Variants in ZNF483 observed in about 807,000 individuals in gnomAD.
The protein encoded by ZNF483 is zinc finger protein HIT-10.
A neutral mutation model predicts 28.6 loss-of-function variants in ZNF483; 9 were observed. The ratio of observed to expected loss-of-function variants is 0.32; its 90% CI spans 0.19 to 0.55. The LOEUF is 0.55. Ranked by LOEUF, ZNF483 falls within the 20% of genes least tolerant of loss-of-function variation. The pLI, the probability that ZNF483 is intolerant of heterozygous loss-of-function variation, is 0.93. For synonymous variants in ZNF483, 322 were observed against 306.2 expected (o/e 1.05, Z -0.54); for missense variants, 675 against 871.7 (o/e 0.77, Z 2.84).
chr9:111,570,647 C>T (rs1360746688), intron 5 of ZNF483, among the ~76,000 whole-genome samples: 4 of 151,710 alleles, frequency 2.6e-5, no homozygotes, highest in Admixed American at 6.6e-5. Flanking sequence ...GGCATGGTGG[C>T]GGGTGCCTAT....
chr9:111,562,822 C>A, intron 5 of ZNF483: 1 of 532,052 alleles, frequency 1.9e-6, no homozygotes, highest in Non-Finnish European at 2.7e-6. Context: ...TTGTTCAGCT[C>A]CCACTTATGA....
intron 5 of ZNF483, among the ~76,000 whole-genome samples, chr9:111,568,499 T>C (rs1465539236): frequency 6.6e-6 from 1 of 152,248 alleles, no homozygotes; most frequent in Non-Finnish European, 1.5e-5. Flanking sequence ...ACAGTGAACA[T>C]AGACCCTTAT....
Position 111,543,093 on chromosome 9 carries a change from G to A in ZNF483, c.2158G>A (p.Glu720Lys), listed in dbSNP as rs763840516. 1.2e-6 allele frequency: 2 copies of A among 1,613,932 alleles called. No individual in the cohort carries two copies. The highest frequency in any genetic ancestry group is 1.3e-5 in the African/African-American group (1 of 74,918). ...LKIHTGRREY[E>K]CNECEKTFKS... is the part of the protein sequence containing the mutation. Reference sequence around the variant, plus strand: ...AATTCATACCGGAAGGAGAGAATATGAATGTAACGAATGTGAGAAGACATT... The same window carrying A: ...AATTCATACCGGAAGGAGAGAATATAAATGTAACGAATGTGAGAAGACATT... The change falls in exon 6 of 6, where the codon GAA (glutamate) becomes AAA (lysine). Residue 720 changes from glutamate to lysine, a missense_variant. By Grantham distance (56) the Glu-to-Lys change is moderately conservative (BLOSUM62 1). Around this residue, in one of 6 missense-constraint regions of ZNF483, gnomAD observed 55 missense variants for 72.4 expected, o/e 0.76. Coordinates refer to ENST00000309235, the MANE Select transcript of ZNF483 (RefSeq NM_133464.5).
At chr9:111,573,830 TCA>T (rs1491351240) in intron 5 of ZNF483, among the ~76,000 whole-genome samples, 13 of 152,222 alleles carry the variant, frequency 8.5e-5, no homozygotes, top group African/African-American at 3.1e-4. Flanking sequence ...CTTTTGGACC[TCA>T]GAGTGTGGAG....
At chr9:111,536,204 A>C (rs982575632) in intron 5 of ZNF483, among the ~76,000 whole-genome samples, 1 of 151,168 alleles carries the variant, frequency 6.6e-6, no homozygotes, top group African/African-American at 2.4e-5. Flanking sequence ...ATTTATATAT[A>C]TATATTAAAT....
intron 5 of ZNF483, among the ~76,000 whole-genome samples, chr9:111,534,670 G>A (rs1827436137): frequency 6.6e-6 from 1 of 151,520 alleles, no homozygotes. Context: ...AGAACAGGAA[G>A]GAGGGCAGAT....
intron 5 of ZNF483, chr9:111,562,709 C>A (rs550720622): frequency 6.1e-6 from 1 of 163,378 alleles, no homozygotes; most frequent in South Asian, 1.8e-4. Context: ...AGGTATTAGC[C>A]CCCGAAGGCA....
At chr9:111,535,477 A>G (rs980194749) in intron 5 of ZNF483, among the ~76,000 whole-genome samples, 6 of 152,240 alleles carry the variant, frequency 3.9e-5, no homozygotes, top group South Asian at 2.1e-4. Context: ...GCCTGAATAC[A>G]TAGAGTATAT....
rs1457613960 is a variant in ZNF483, at chr9:111,547,378, C to T, written c.*4208C>T. Among the ~76,000 whole-genome samples, 1 of 152,122 alleles carries T rather than the reference C, an allele frequency of 6.6e-6. No individual in the cohort carries two copies. Among genetic ancestry groups the T allele is most frequent in the Non-Finnish European group, 1.5e-5 (1 of 68,002 alleles). ...GGCATCTTATTCTAGTTTTGTTTTG[C>T]ATTTCCCTAGTGATTAGTGATGTTA... On this transcript the variant is annotated 3_prime_UTR_variant, in exon 6 of 6. Coordinates refer to ENST00000309235, the MANE Select transcript of ZNF483 (RefSeq NM_133464.5).
intron 5 of ZNF483, among the ~76,000 whole-genome samples, chr9:111,562,276 C>CT (rs35900341): frequency 0.29 from 40,474 of 140,504 alleles, 7,124 homozygotes; most frequent in Non-Finnish European, 0.41. Context: ...AAGCAGTAAA[C>CT]TTTTTTTTTT....
At chr9:111,573,010 T>C (rs1490798293) in intron 5 of ZNF483, among the ~76,000 whole-genome samples, 1 of 152,194 alleles carries the variant, frequency 6.6e-6, no homozygotes, top group African/African-American at 2.4e-5. Flanking sequence ...AACAGTGGAA[T>C]ATGTTAGAAT....
At chr9:111,557,233 G>A (rs1256976578), downstream of ZNF483, among the ~76,000 whole-genome samples, 1 of 151,896 alleles carries the variant, frequency 6.6e-6, no homozygotes, top group Non-Finnish European at 1.5e-5. Flanking sequence ...AATTAGCCGG[G>A]CATCATGGCA....
chr9:111,543,088 A>G lies in ZNF483; in HGVS notation c.2153A>G (p.Glu718Gly). 6.2e-7 allele frequency: 1 copy of G among 1,614,112 alleles called. No individual in the cohort carries two copies. The highest frequency in any genetic ancestry group is 8.5e-7 in the Non-Finnish European group (1 of 1,180,002). ...CTAAAAATTCATACCGGAAGGAGAG[A>G]ATATGAATGTAACGAATGTGAGAAG... ...EHLKIHTGRREYECNECEKTF... is the reference protein window; with the variant it reads ...EHLKIHTGRRGYECNECEKTF... Residue 718 changes from glutamate (E) to glycine (G), a missense_variant, in exon 6 of 6, where the codon GAA becomes GGA. Glu to Gly is a moderately conservative substitution (Grantham distance 98). This residue lies in a region of ZNF483 where 55 missense variants were observed against 72.4 expected (regional missense o/e 0.76). Transcript: ENST00000309235.
chr9:111,560,636 CAA>C (rs1015199330), intron 5 of ZNF483, among the ~76,000 whole-genome samples: 9 of 26,292 alleles, frequency 3.4e-4, no homozygotes, highest in African/African-American at 8.5e-4. Context: ...GACACCATCT[CAA>C]AAAAAAAAAA....
At position 111,543,434 on chromosome 9, in the gene ZNF483, G is replaced by T; in HGVS notation, c.*264G>T. ...AATTGGAAAAGCTCTTTTCTTCAGG[G>T]GATTTCTCTCTGATTTCTTCTACTA... On this transcript the variant is annotated 3_prime_UTR_variant, in exon 6 of 6. Coordinates refer to ENST00000309235, the MANE Select transcript of ZNF483 (RefSeq NM_133464.5). The T allele has an allele frequency of 8.4e-7, 1 of 1,190,766 alleles. No individual in the cohort carries two copies. Among genetic ancestry groups the T allele is most frequent in the Non-Finnish European group, 1.0e-6 (1 of 958,194 alleles). 73.8% of individuals were successfully genotyped at this position (1,190,766 alleles called of 1,614,324 possible).
intron 5 of ZNF483, 55 bp from the exon 6 acceptor site, chr9:111,541,602 T>TA: frequency 6.9e-7 from 1 of 1,449,756 alleles, no homozygotes; most frequent in South Asian, 1.4e-5. Context: ...AGACCCAAAA[T>TA]ACAACAGCTT....
chr9:111,540,101 C>T (rs1266087279), intron 5 of ZNF483, among the ~76,000 whole-genome samples: 1 of 151,958 alleles, frequency 6.6e-6, no homozygotes, highest in African/African-American at 2.4e-5. Flanking sequence ...CACTGCACTC[C>T]AGCGTAGGCA....
downstream of ZNF483, among the ~76,000 whole-genome samples, chr9:111,559,733 T>C (rs1376933344): frequency 4.0e-4 from 61 of 152,258 alleles, no homozygotes; most frequent in Admixed American, 4.0e-3. Flanking sequence ...CTGTGGGCCA[T>C]AGAGGTTCTC....
In ZNF483 at chr9:111,552,278, T is replaced by G. The variant is rs542063065; in HGVS notation, c.*9108T>G. On this transcript the variant is annotated 3_prime_UTR_variant, in exon 6 of 6. Transcript: ENST00000309235. Reference sequence around the variant, plus strand: ...TTGGTAAAGAAACAAGATCATTAGATACATTGTCTTTTTTTTTCAGAAGTT... The same window carrying G: ...TTGGTAAAGAAACAAGATCATTAGAGACATTGTCTTTTTTTTTCAGAAGTT... Among the ~76,000 whole-genome samples, 23 of 151,548 alleles carry G rather than the reference T, an allele frequency of 1.5e-4. No homozygotes were observed. The East Asian group carries it at 4.5e-3, about 29-fold the overall frequency.
Sources: allele counts gnomAD v4.1 joint callset (sites outside exome capture counted in the v4.1 genomes callset), GRCh38; gene constraint gnomAD v4.1.1; regional missense constraint gnomAD v4.1.1; transcripts MANE v1.5; gene names NCBI Gene and HGNC (gene_info 2026-07-23, HGNC 2026-07-21).